TMEM117: variants seen among roughly 807,000 people sequenced by gnomAD.
TMEM117 encodes the protein transmembrane protein 117.
Under a neutral mutation model 52.4 loss-of-function variants are expected in TMEM117, and 27 were observed. The observed-to-expected ratio is 0.51, with a 90% CI of 0.38 to 0.71. TMEM117 has a LOEUF of 0.71. Among genes scored for constraint, TMEM117 ranks in the 30% least tolerant of loss-of-function variants. TMEM117 has a pLI of 0.00. For synonymous variants in TMEM117, 215 were observed against 206.3 expected (o/e 1.04, Z -0.36); for missense variants, 556 against 630.5 (o/e 0.88, Z 1.26).
At chr12:44,374,814 T>G (rs1171300020) in intron 6 of TMEM117, among the ~76,000 whole-genome samples, 2 of 152,182 alleles carry the variant, frequency 1.3e-5, no homozygotes, top group African/African-American at 4.8e-5. Context: ...AAGCCGGTTC[T>G]GAATACACTT....
the TMEM117 span, among the ~76,000 whole-genome samples, chr12:44,398,077 GGTT>G: frequency 1.3e-5 from 2 of 148,460 alleles, no homozygotes; most frequent in Admixed American, 6.7e-5. Flanking sequence ...TTCTGTGGGT[GGTT>G]GTTTTTTTTT....
intron 6 of TMEM117, among the ~76,000 whole-genome samples, chr12:44,347,162 T>C (rs373382543): frequency 2.6e-5 from 4 of 152,204 alleles, no homozygotes; most frequent in African/African-American, 4.8e-5. Context: ...ATCCTACCTA[T>C]ATTGTAACCT....
chr12:44,118,959 C>A (rs1948190101), intron 3 of TMEM117, among the ~76,000 whole-genome samples: 1 of 152,318 alleles, frequency 6.6e-6, no homozygotes, highest in Admixed American at 6.5e-5. Context: ...TCCCCCAATT[C>A]CTAAATAACC....
intron 2 of TMEM117, among the ~76,000 whole-genome samples, chr12:43,926,075 A>C (rs1944774103): frequency 6.6e-6 from 1 of 152,234 alleles, no homozygotes; most frequent in African/African-American, 2.4e-5. Flanking sequence ...ATATATGTTT[A>C]GAAAAATTCA....
intron 5 of TMEM117, among the ~76,000 whole-genome samples, chr12:44,216,005 CTTTTTTTTT>C (rs778425747): frequency 3.6e-5 from 4 of 110,840 alleles, no homozygotes; most frequent in Admixed American, 2.9e-4. Flanking sequence ...TTCTTTCTTT[CTTTTTTTTT>C]TTTTTTTTTT....
intron 3 of TMEM117, among the ~76,000 whole-genome samples, chr12:44,039,634 T>A (rs1398256372): frequency 6.6e-6 from 1 of 151,966 alleles, no homozygotes; most frequent in Non-Finnish European, 1.5e-5. Flanking sequence ...TTCCCCAAAT[T>A]TGAAATATTT....
intron 3 of TMEM117, among the ~76,000 whole-genome samples, chr12:43,971,778 C>T (rs1205162825): frequency 1.3e-5 from 2 of 152,162 alleles, no homozygotes; most frequent in Non-Finnish European, 2.9e-5. Context: ...GAGATCTGTC[C>T]TCTTAACAAA....
At chr12:43,883,520 T>A (rs1400073313) in intron 2 of TMEM117, among the ~76,000 whole-genome samples, 4 of 152,162 alleles carry the variant, frequency 2.6e-5, no homozygotes, top group African/African-American at 9.7e-5. Context: ...CATCCAGCTA[T>A]CAGCTAAATA....
rs538003435 is a variant in TMEM117, at chr12:44,097,806, A to C, written c.411-45719A>C. Among the ~76,000 whole-genome samples, 43 of 151,266 alleles carry C rather than the reference A, an allele frequency of 2.8e-4. No individual in the cohort carries two copies. The South Asian group carries it at 8.5e-3, about 30-fold the overall frequency. On this transcript the variant is annotated intron_variant, in intron 3 of 7. Coordinates refer to ENST00000266534, the MANE Select transcript of TMEM117 (RefSeq NM_032256.3). ...ATACACCAACATGGCACATGTATAC[A>C]TATGTAACAAACCTGCACATTGTGC...
chr12:43,935,093 A>G (rs1944929946), intron 2 of TMEM117, among the ~76,000 whole-genome samples: 1 of 152,020 alleles, frequency 6.6e-6, no homozygotes, highest in South Asian at 2.1e-4. Flanking sequence ...CTGCAGCCTC[A>G]ACCTCCTTGG....
intron 3 of TMEM117, among the ~76,000 whole-genome samples, chr12:44,106,976 A>G (rs1325552355): frequency 1.3e-5 from 2 of 151,998 alleles, no homozygotes; most frequent in Admixed American, 1.3e-4. Context: ...TGCATTCATA[A>G]GAGGTCATCC....
chr12:44,267,536 A>T (rs972083830), intron 5 of TMEM117, among the ~76,000 whole-genome samples: 2 of 152,208 alleles, frequency 1.3e-5, no homozygotes, highest in Non-Finnish European at 2.9e-5. Flanking sequence ...AAGAATAATT[A>T]ATGTTAAGAT....
intron 6 of TMEM117, among the ~76,000 whole-genome samples, chr12:44,348,148 A>G (rs1951513059): frequency 6.6e-6 from 1 of 152,050 alleles, no homozygotes; most frequent in African/African-American, 2.4e-5. Context: ...TAAAGTAGGA[A>G]CATCACGTAA....
At chr12:44,043,496 G>A (rs1946833338) in intron 3 of TMEM117, among the ~76,000 whole-genome samples, 1 of 152,086 alleles carries the variant, frequency 6.6e-6, no homozygotes, top group African/African-American at 2.4e-5. Flanking sequence ...TTTGCCATAA[G>A]GAACAGCTGC....
intron 2 of TMEM117, among the ~76,000 whole-genome samples, chr12:43,919,686 G>A (rs1182425390): frequency 6.6e-6 from 1 of 151,826 alleles, no homozygotes; most frequent in Non-Finnish European, 1.5e-5. Flanking sequence ...TAGGTCATAT[G>A]GTATCTATTT....
chr12:44,285,330 C>A (rs1299986392), intron 5 of TMEM117, among the ~76,000 whole-genome samples: 1 of 152,106 alleles, frequency 6.6e-6, no homozygotes, highest in Non-Finnish European at 1.5e-5. Context: ...CTTTAATGGA[C>A]AACATTAGAG....
intron 5 of TMEM117, among the ~76,000 whole-genome samples, chr12:44,225,815 T>C (rs1314554305): frequency 6.6e-6 from 1 of 152,124 alleles, no homozygotes; most frequent in African/African-American, 2.4e-5. Context: ...CAAATTTGTG[T>C]CCACAGTGGA....
chr12:43,909,710 A>G (rs1393370107), intron 2 of TMEM117, among the ~76,000 whole-genome samples: 1 of 151,836 alleles, frequency 6.6e-6, no homozygotes, highest in Non-Finnish European at 1.5e-5. Context: ...AGAATACTAC[A>G]AACACCTCTA....
At chr12:44,345,842 A>ATT (rs547592376) in intron 6 of TMEM117, among the ~76,000 whole-genome samples, 403 of 152,232 alleles carry the variant, frequency 2.6e-3, no homozygotes, top group African/African-American at 9.4e-3. Context: ...GAGCTATTAG[A>ATT]TTATCTTTCA....
Sources: gnomAD v4.1 joint callset for allele counts (sites outside exome capture counted in the v4.1 genomes callset) on GRCh38, gnomAD v4.1.1 for gene constraint, MANE v1.5 for transcripts, NCBI Gene and HGNC (gene_info 2026-07-23, HGNC 2026-07-21) for gene names.